The following MOCOS variants were observed in gnomAD, a reference collection of about 807,000 sequenced individuals.
The protein encoded by MOCOS is human molybdenum cofactor sulfurase.
MOCOS carries 86 observed loss-of-function variants against 83.6 expected under a neutral mutation model. The observed-to-expected ratio is 1.03, with a 90% CI of 0.86 to 1.23. The LOEUF (loss-of-function observed/expected upper bound fraction) is 1.23. Ranked by LOEUF, MOCOS falls within the 50% of genes most tolerant of loss-of-function variation. The pLI, the probability that MOCOS is intolerant of heterozygous loss-of-function variation, is 0.00. For missense variants in MOCOS, 1,120 were observed against 1,126.9 expected (o/e 0.99, Z 0.09); for synonymous variants, 445 against 434.7 (o/e 1.02, Z -0.29).
chr18:36,251,255 A>C lies in MOCOS; in HGVS notation c.2136A>C (p.Gln712His), dbSNP rs2091620708. The C allele has an allele frequency of 6.2e-7, 1 of 1,614,020 alleles. No homozygotes were observed. The highest frequency in any genetic ancestry group is 1.1e-5 in the South Asian group (1 of 91,078). The change falls in exon 11 of 15, where the codon CAA becomes CAC. Residue 712 changes from glutamine to histidine, a missense_variant. Transcript: ENST00000261326. ...CHLIKQSSNS[Q>H]RNAKKKHGKD... ...TGATCAAACAAAGTTCAAACTCTCAAAGGAATGCAAAGAAGAAACATGGAA... is the reference window on the plus strand; with the variant it reads ...TGATCAAACAAAGTTCAAACTCTCACAGGAATGCAAAGAAGAAACATGGAA...
chr18:36,226,888 C>CT (rs36075117), intron 9 of MOCOS, among the ~76,000 whole-genome samples: 62,012 of 137,558 alleles, frequency 0.45, 15,228 homozygotes, highest in East Asian at 0.62. Flanking sequence ...TGATGTGTAT[C>CT]TTTTTTTTTT....
At chr18:36,251,082 C>A in intron 10 of MOCOS, 77 bp from the exon 11 acceptor site, 1 of 1,518,622 alleles carries the variant, frequency 6.6e-7, no homozygotes, top group South Asian at 1.2e-5. Context: ...ATTTTGTAAC[C>A]AAACTTTTTG....
At chr18:36,220,556 T>C (rs929965864) in intron 9 of MOCOS, among the ~76,000 whole-genome samples, 5 of 152,044 alleles carry the variant, frequency 3.3e-5, no homozygotes, top group Middle Eastern at 3.2e-3. Context: ...AAATAGTGTC[T>C]AGGAAACACA....
chr18:36,246,666 A>G (rs1205608994), intron 9 of MOCOS, among the ~76,000 whole-genome samples: 7 of 152,240 alleles, frequency 4.6e-5, no homozygotes, highest in East Asian at 3.8e-4. Flanking sequence ...AAGTTGTCAC[A>G]TGGACAGACT....
At chr18:36,263,792 C>T (rs1465042805) in intron 13 of MOCOS, among the ~76,000 whole-genome samples, 1 of 152,160 alleles carries the variant, frequency 6.6e-6, no homozygotes, top group African/African-American at 2.4e-5. Context: ...AATATATATG[C>T]TAGTAAACAC....
At chr18:36,198,645 G>T in intron 2 of MOCOS, 45 bp from the exon 3 acceptor site, 3 of 1,593,006 alleles carry the variant, frequency 1.9e-6, no homozygotes, top group South Asian at 1.1e-5. Flanking sequence ...CAAAAGAAGC[G>T]ACCCTAAGTA....
chr18:36,261,529 C>A (rs1411707687), intron 13 of MOCOS, among the ~76,000 whole-genome samples: 1 of 152,160 alleles, frequency 6.6e-6, no homozygotes, highest in Non-Finnish European at 1.5e-5. Flanking sequence ...ACTCTAACAT[C>A]TAGGAAAGCA....
At chr18:36,226,843 C>G (rs1375188223) in intron 9 of MOCOS, among the ~76,000 whole-genome samples, 1 of 150,442 alleles carries the variant, frequency 6.6e-6, no homozygotes, top group Non-Finnish European at 1.5e-5. Flanking sequence ...GCTCCCCATA[C>G]TTTACGTATG....
At chr18:36,224,336 G>GT (rs1345822230) in intron 9 of MOCOS, among the ~76,000 whole-genome samples, 1 of 152,118 alleles carries the variant, frequency 6.6e-6, no homozygotes, top group Non-Finnish European at 1.5e-5. Context: ...TCAAATAGTG[G>GT]AGGCAAGAAT....
intron 11 of MOCOS, among the ~76,000 whole-genome samples, chr18:36,253,062 A>G (rs1216963308): frequency 1.3e-5 from 2 of 152,166 alleles, no homozygotes; most frequent in Admixed American, 6.5e-5. Context: ...AAGGAGTAGG[A>G]TTTGTCAGGA....
intron 13 of MOCOS, among the ~76,000 whole-genome samples, chr18:36,262,009 G>T (rs118016675): frequency 0.022 from 3,379 of 152,106 alleles, 61 homozygotes; most frequent in Non-Finnish European, 0.036. Flanking sequence ...CAGGTATCTC[G>T]AGACATAAAT....
intron 9 of MOCOS, among the ~76,000 whole-genome samples, chr18:36,228,288 A>G (rs2091525172): frequency 6.6e-6 from 1 of 152,220 alleles, no homozygotes; most frequent in Non-Finnish European, 1.5e-5. Flanking sequence ...TCAAACACCT[A>G]AAGACAGAAA....
chr18:36,268,596 G>A lies in MOCOS; in HGVS notation c.2578G>A (p.Val860Ile). 6.2e-7 allele frequency: 1 copy of A among 1,614,128 alleles called. No homozygotes were observed. The highest frequency in any genetic ancestry group is 8.5e-7 in the Non-Finnish European group (1 of 1,180,010). The change falls in exon 15 of 15, where the codon GTA becomes ATA. Residue 860 changes from valine (V) to isoleucine (I), a missense_variant. Transcript: ENST00000261326. ...TTTATCCTCCCCATGTTTCCTGTCTGTAGGATCTCAGGTGCTCCCTGTGTT... is the reference window on the plus strand; with the variant it reads ...TTTATCCTCCCCATGTTTCCTGTCTATAGGATCTCAGGTGCTCCCTGTGTT... ...LDLSSPCFLS[V>I]GSQVLPVLKE...
intron 2 of MOCOS, among the ~76,000 whole-genome samples, chr18:36,197,329 CAG>C (rs985553302): frequency 9.9e-5 from 15 of 152,264 alleles, no homozygotes; most frequent in African/African-American, 3.6e-4. Context: ...TGGAGTTAAA[CAG>C]AGCCACAGCC....
At chr18:36,262,276 C>CACACACACACACACACACAT (rs1555656486) in intron 13 of MOCOS, among the ~76,000 whole-genome samples, 2 of 151,108 alleles carry the variant, frequency 1.3e-5, no homozygotes, top group African/African-American at 4.9e-5. Flanking sequence ...CACACACACA[C>CACACACACACACACACACAT]GAAAAATTAG....
chr18:36,197,705 C>T (rs937039954), intron 2 of MOCOS, among the ~76,000 whole-genome samples: 13 of 151,908 alleles, frequency 8.6e-5, no homozygotes, highest in African/African-American at 3.1e-4. Context: ...CCCAGGAATT[C>T]AAGGTTATAG....
intron 10 of MOCOS, among the ~76,000 whole-genome samples, chr18:36,249,928 A>G (rs929017164): frequency 6.6e-6 from 1 of 152,200 alleles, no homozygotes; most frequent in Non-Finnish European, 1.5e-5. Context: ...TAAATCATCT[A>G]CTGAATTCTA....
chr18:36,197,517 T>G (rs190436911), intron 2 of MOCOS, among the ~76,000 whole-genome samples: 2 of 152,064 alleles, frequency 1.3e-5, no homozygotes, highest in South Asian at 4.2e-4. Context: ...ATAATCCCAG[T>G]GCTTTGGTAG....
chr18:36,253,523 G>A (rs567485427), intron 11 of MOCOS, among the ~76,000 whole-genome samples: 8 of 152,122 alleles, frequency 5.3e-5, no homozygotes, highest in East Asian at 1.9e-4. Context: ...AAAATTAGCC[G>A]GGCATGGTGG....
Sources: gnomAD v4.1 joint callset for allele counts (sites outside exome capture counted in the v4.1 genomes callset) on GRCh38, gnomAD v4.1.1 for gene constraint, MANE v1.5 for transcripts, NCBI Gene and HGNC (gene_info 2026-07-23, HGNC 2026-07-21) for gene names.